Variants in FHIP1A observed in about 807,000 individuals in gnomAD.
FHIP1A encodes the protein FHF complex subunit HOOK-interacting protein 1A.
A neutral mutation model predicts 88.6 loss-of-function variants in FHIP1A; 61 were observed. That is an observed-to-expected ratio of 0.69 (90% CI 0.56 to 0.85). FHIP1A has a LOEUF of 0.85. Ranked by LOEUF, FHIP1A falls within the 40% of genes least tolerant of loss-of-function variation. The pLI is 0.00. For missense variants in FHIP1A, 1,154 were observed against 1,273.5 expected (o/e 0.91, Z 1.43); for synonymous variants, 478 against 496.0 (o/e 0.96, Z 0.48).
At chr4:151,503,379 A>C (rs535995887) in intron 3 of FHIP1A, among the ~76,000 whole-genome samples, 41 of 152,290 alleles carry the variant, frequency 2.7e-4, no homozygotes, top group African/African-American at 9.6e-4. Flanking sequence ...GATATTCTCC[A>C]TGTAGGAAAG....
chr4:151,518,705 G>A (rs751711307), intron 3 of FHIP1A, among the ~76,000 whole-genome samples: 253 of 117,672 alleles, frequency 2.2e-3, no homozygotes, highest in Admixed American at 5.7e-3. Context: ...CCTTTCTTTC[G>A]TTTGAATGCG....
chr4:151,609,749 T>A (rs888437840), intron 7 of FHIP1A, among the ~76,000 whole-genome samples: 1 of 152,186 alleles, frequency 6.6e-6, no homozygotes, highest in African/African-American at 2.4e-5. Context: ...GACCAGATCT[T>A]TCCTCTCATT....
At chr4:151,511,501 C>T (rs547913727) in intron 3 of FHIP1A, among the ~76,000 whole-genome samples, 5 of 152,338 alleles carry the variant, frequency 3.3e-5, no homozygotes, top group South Asian at 2.1e-4. Context: ...ACTCAGGAAG[C>T]GCAAGGGGTC....
intron 1 of FHIP1A, among the ~76,000 whole-genome samples, chr4:151,452,936 GTA>G (rs111734450): frequency 0.026 from 3,827 of 145,992 alleles, 187 homozygotes; most frequent in African/African-American, 0.094. Context: ...ACATTGAAAC[GTA>G]TATATATATA....
At chr4:151,592,197 C>T (rs1452806404) in intron 7 of FHIP1A, among the ~76,000 whole-genome samples, 2 of 151,974 alleles carry the variant, frequency 1.3e-5, no homozygotes, top group African/African-American at 2.4e-5. Context: ...TGCAGTGGTG[C>T]GATCTCAGCT....
chr4:151,435,784 CAAA>C (rs202118440), intron 1 of FHIP1A, among the ~76,000 whole-genome samples: 69,522 of 121,116 alleles, frequency 0.57, 16,747 homozygotes, highest in Non-Finnish European at 0.6. Context: ...AACTCTGTGT[CAAA>C]AAAAAAAAAA....
At position 151,438,331 on chromosome 4, in the gene FHIP1A, G is replaced by A. The variant is rs536796634; in HGVS notation, c.-355-16370G>A. On this transcript the variant is annotated intron_variant, in intron 1 of 13. Transcript: ENST00000435205. ...TCTCAGGAATACCTGTTTCTGGTTCGGGCACCATGGCCTTGGCTCACTGCC... is the reference window on the plus strand; with the variant it reads ...TCTCAGGAATACCTGTTTCTGGTTCAGGCACCATGGCCTTGGCTCACTGCC... Among the ~76,000 whole-genome samples the A allele has an allele frequency of 1.1e-3, 162 of 152,078 alleles. 1 individual carries two copies. The highest frequency in any genetic ancestry group is 3.4e-3 in the Middle Eastern group (1 of 294).
chr4:151,478,761 A>G (rs540295230), intron 2 of FHIP1A, among the ~76,000 whole-genome samples: 18 of 152,126 alleles, frequency 1.2e-4, no homozygotes, highest in Middle Eastern at 3.4e-3. Context: ...TAACTACAGA[A>G]CCTTGGACAA....
intron 1 of FHIP1A, among the ~76,000 whole-genome samples, chr4:151,454,205 CAG>C (rs1728892479): frequency 1.3e-5 from 2 of 152,114 alleles, no homozygotes; most frequent in Middle Eastern, 3.4e-3. Flanking sequence ...TGGATTAAGA[CAG>C]AGAGTTGATT....
intron 3 of FHIP1A, among the ~76,000 whole-genome samples, chr4:151,550,550 T>C (rs1252459488): frequency 6.6e-6 from 1 of 152,166 alleles, no homozygotes; most frequent in Non-Finnish European, 1.5e-5. Context: ...TAGAAAATAT[T>C]GATTGAACTT....
chr4:151,461,673 A>G (rs1421285597), intron 2 of FHIP1A, among the ~76,000 whole-genome samples: 2 of 152,220 alleles, frequency 1.3e-5, no homozygotes, highest in Admixed American at 1.3e-4. Flanking sequence ...TGTAGGGGCT[A>G]TATTAGCCTC....
chr4:151,501,555 G>A (rs1344738380), intron 3 of FHIP1A, among the ~76,000 whole-genome samples: 1 of 145,870 alleles, frequency 6.9e-6, no homozygotes, highest in Non-Finnish European at 1.5e-5. Context: ...GATAATCAAA[G>A]AAATTTTTTT....
At chr4:151,543,682 T>G (rs1291500639) in intron 3 of FHIP1A, among the ~76,000 whole-genome samples, 1 of 152,226 alleles carries the variant, frequency 6.6e-6, no homozygotes, top group East Asian at 1.9e-4. Context: ...ATCTTGCTTT[T>G]TTTGCTTAAT....
At chr4:151,657,484 G>C (rs768613496) in intron 13 of FHIP1A, among the ~76,000 whole-genome samples, 2 of 152,140 alleles carry the variant, frequency 1.3e-5, no homozygotes, top group East Asian at 1.9e-4. Flanking sequence ...AGTGAGGAGT[G>C]GGGGTGGGGG....
At chr4:151,596,663 TA>T (rs1278150862) in intron 7 of FHIP1A, among the ~76,000 whole-genome samples, 1 of 152,188 alleles carries the variant, frequency 6.6e-6, no homozygotes, top group Non-Finnish European at 1.5e-5. Flanking sequence ...GTACACCAAT[TA>T]AACATAGGTT....
intron 2 of FHIP1A, among the ~76,000 whole-genome samples, chr4:151,455,609 CG>C (rs1580586674): frequency 6.6e-6 from 1 of 152,124 alleles, no homozygotes; most frequent in East Asian, 1.9e-4. Flanking sequence ...AGTTCAGAGC[CG>C]GTTCAGGGAG....
At chr4:151,439,758 C>T (rs1350010234) in intron 1 of FHIP1A, among the ~76,000 whole-genome samples, 2 of 152,156 alleles carry the variant, frequency 1.3e-5, no homozygotes, top group Admixed American at 6.5e-5. Context: ...CTGGAAAAGG[C>T]ATTAACCAAA....
chr4:151,556,728 C>G (rs1732960834), intron 3 of FHIP1A, among the ~76,000 whole-genome samples: 1 of 152,088 alleles, frequency 6.6e-6, no homozygotes, highest in African/African-American at 2.4e-5. Context: ...AGAGGGAAGA[C>G]AATCATTTAC....
chr4:151,418,237 G>T (rs1489617832), intron 1 of FHIP1A, among the ~76,000 whole-genome samples: 2 of 145,934 alleles, frequency 1.4e-5, no homozygotes, highest in Non-Finnish European at 3.0e-5. Context: ...ACTTTGATCT[G>T]TTTCAGGAAA....
Sources: allele counts gnomAD v4.1 joint callset (sites outside exome capture counted in the v4.1 genomes callset), GRCh38; gene constraint gnomAD v4.1.1; transcripts MANE v1.5; gene names NCBI Gene and HGNC (gene_info 2026-07-23, HGNC 2026-07-21).